Variants in CDK11B observed in about 807,000 individuals in gnomAD.
The protein encoded by CDK11B is cyclin dependent kinase 11B.
In CDK11B, 37 loss-of-function variants were observed where a neutral mutation model predicts 84.0. That is an observed-to-expected ratio of 0.44 (90% CI 0.34 to 0.58). The LOEUF (loss-of-function observed/expected upper bound fraction) is 0.58. Among genes scored for constraint, CDK11B ranks in the 20% least tolerant of loss-of-function variants. The pLI is 0.02. For missense variants in CDK11B, 427 were observed against 834.0 expected (o/e 0.51, Z 6.01); for synonymous variants, 269 against 309.8 (o/e 0.87, Z 1.38).
Position 1,636,414 on chromosome 1 carries a change from G to T in CDK11B, c.1985C>A (p.Thr662Asn). ...GTTGTTGTAGGGGTGCTCGCTGAAG[G>T]TCATCTTCTTGACTGCTGGGAGCTC... ...YSELPAVKKM[T>N]FSEHPYNNLR... The change falls in exon 18 of 20, where the codon ACC (threonine) becomes AAC (asparagine). Residue 662 changes from threonine to asparagine, a missense_variant. Thr to Asn is a moderately conservative substitution (Grantham distance 65). Coordinates refer to ENST00000341832, the MANE Select transcript of CDK11B (RefSeq NM_033486.3). 6.2e-7 allele frequency: 1 copy of T among 1,612,728 alleles called. No individual in the cohort carries two copies. The highest frequency in any genetic ancestry group is 8.5e-7 in the Non-Finnish European group (1 of 1,179,288).
chr1:1,651,346 G>A (rs1487909929), intron 4 of CDK11B, among the ~76,000 whole-genome samples: 7 of 152,220 alleles, frequency 4.6e-5, no homozygotes, highest in Non-Finnish European at 1.0e-4. Context: ...ACACACGCAC[G>A]CTTTCAGCTA....
At chr1:1,656,061 C>T (rs1307182051) in intron 2 of CDK11B, among the ~76,000 whole-genome samples, 2 of 152,160 alleles carry the variant, frequency 1.3e-5, no homozygotes, top group African/African-American at 2.4e-5. Context: ...AATCTTAAGG[C>T]GTATCTTGCA....
intron 11 of CDK11B, among the ~76,000 whole-genome samples, chr1:1,639,753 C>A (rs1279546806): frequency 1.3e-5 from 2 of 152,058 alleles, no homozygotes; most frequent in African/African-American, 4.8e-5. Flanking sequence ...TCCCAGGCCC[C>A]AGAGGCCACT....
chr1:1,652,257 G>A (rs1446170673), intron 4 of CDK11B, among the ~76,000 whole-genome samples, 182 bp downstream of exon 4: 1 of 151,918 alleles, frequency 6.6e-6, no homozygotes, highest in Non-Finnish European at 1.5e-5. Context: ...TGTGACGCAC[G>A]CATGCTTTTA....
chr1:1,657,970 C>G (rs1642995747), intron 1 of CDK11B, among the ~76,000 whole-genome samples: 1 of 146,582 alleles, frequency 6.8e-6, no homozygotes, highest in South Asian at 2.1e-4. Flanking sequence ...GTCAGGAGGT[C>G]AAGACCAGCC....
intron 4 of CDK11B, among the ~76,000 whole-genome samples, chr1:1,651,036 C>T (rs1160452554): frequency 1.2e-4 from 19 of 152,166 alleles, no homozygotes; most frequent in Admixed American, 3.9e-4. Context: ...GTGGGCTTCT[C>T]CACTGTGCAA....
chr1:1,637,532 T>G lies in CDK11B; in HGVS notation c.1465-19A>C. 4 of 1,611,758 alleles carry G rather than the reference T, an allele frequency of 2.5e-6. No homozygotes were observed. The highest frequency in any genetic ancestry group is 3.4e-6 in the Non-Finnish European group (4 of 1,178,902). On this transcript the variant is annotated intron_variant, in intron 13 of 19. Transcript: ENST00000341832. ...CAATCTCCTGCAGGGCACGGCTCTGTGGGTGCTGGGCACCTCCAGGCCCCC... is the reference window on the plus strand; with the variant it reads ...CAATCTCCTGCAGGGCACGGCTCTGGGGGTGCTGGGCACCTCCAGGCCCCC...
intron 5 of CDK11B, chr1:1,646,141 G>C (rs1439943293): frequency 2.2e-6 from 1 of 463,688 alleles, no homozygotes; most frequent in Non-Finnish European, 4.4e-6. Context: ...GTCTTTTCCT[G>C]TTCTCTAGCA....
chr1:1,640,966 C>T lies in CDK11B; in HGVS notation c.1075+82G>A, dbSNP rs1472664803. 1.3e-4 allele frequency: 205 copies of T among 1,598,006 alleles called. 1 individual carries two copies. Among genetic ancestry groups the T allele is most frequent in the Non-Finnish European group, 1.6e-4 (184 of 1,173,000 alleles). ...CCAGACCCTGGCGTGCCCCACGCTG[C>T]GCAGGACCGGCTGTCTTAGGAGAGG... On this transcript the variant is annotated intron_variant, in intron 10 of 19. Coordinates refer to ENST00000341832, the MANE Select transcript of CDK11B (RefSeq NM_033486.3).
At chr1:1,653,129 A>G (rs1417609610) in intron 3 of CDK11B, among the ~76,000 whole-genome samples, 1 of 152,014 alleles carries the variant, frequency 6.6e-6, no homozygotes, top group Non-Finnish European at 1.5e-5. Flanking sequence ...GGTTCAAGCA[A>G]TTCTCCTGCC....
At chr1:1,649,347 C>A (rs1340956155) in intron 5 of CDK11B, among the ~76,000 whole-genome samples, 152 bp downstream of exon 5, 1 of 152,088 alleles carries the variant, frequency 6.6e-6, no homozygotes, top group East Asian at 1.9e-4. Context: ...ATGATCCGCC[C>A]ACCTCGGCCT....
chr1:1,647,377 C>T (rs1217150517), intron 5 of CDK11B, among the ~76,000 whole-genome samples: 1 of 152,300 alleles, frequency 6.6e-6, no homozygotes, highest in Non-Finnish European at 1.5e-5. Context: ...CGAGGCCTGT[C>T]TGGTTGTCCG....
Position 1,639,875 on chromosome 1 carries a change from C to T in CDK11B, c.1251+402G>A, listed in dbSNP as rs558510421. Among the ~76,000 whole-genome samples, 24 of 152,032 alleles carry T rather than the reference C, an allele frequency of 1.6e-4. No homozygotes were observed. In the East Asian group the frequency reaches 4.1e-3, roughly 26 times the overall value. ...ACACATCTACACTGACTCCCGTAGC[C>T]GCTCCCCCATCCAAGCCCTGCACAG... On this transcript the variant is annotated intron_variant, in intron 11 of 19. Transcript: ENST00000341832.
rs753086931 is a variant in CDK11B, at chr1:1,641,022, G to A, written c.1075+26C>T. ...TGCACTCGGAGACAGACAAGGAGGG[G>A]GCTCTGTCTCCAGGGAGGTTCTTAC... On this transcript the variant is annotated intron_variant, in intron 10 of 19. Coordinates refer to ENST00000341832, the MANE Select transcript of CDK11B (RefSeq NM_033486.3). The A allele has an allele frequency of 3.2e-6, 5 of 1,573,784 alleles. No individual in the cohort carries two copies. In the African/African-American group the frequency reaches 4.2e-5, roughly 13 times the overall value.
intron 4 of CDK11B, among the ~76,000 whole-genome samples, chr1:1,650,268 C>CAAAAAAA (rs1212256890): frequency 8.7e-5 from 4 of 45,782 alleles, no homozygotes; most frequent in East Asian, 1.4e-3. Context: ...GACTCCGTCC[C>CAAAAAAA]AAAAAAAAAA....
chr1:1,649,106 TC>T lies in CDK11B; in HGVS notation c.494+392del, dbSNP rs376212178. On this transcript the variant is annotated intron_variant, in intron 5 of 19. Coordinates refer to ENST00000341832, the MANE Select transcript of CDK11B (RefSeq NM_033486.3). Reference sequence around the variant, plus strand: ...CACTTCTGCACCAAATGTGACTTCTTCTTTTTTTTTTGAGACGGAGTCTCGC... The same window carrying T: ...CACTTCTGCACCAAATGTGACTTCTTTTTTTTTTTTGAGACGGAGTCTCGC... Among the ~76,000 whole-genome samples, 289 of 151,714 alleles carry T rather than the reference TC, an allele frequency of 1.9e-3. 4 individuals are homozygous for T. The highest frequency in any genetic ancestry group is 6.5e-3 in the African/African-American group (270 of 41,350).
intron 12 of CDK11B, among the ~76,000 whole-genome samples, 179 bp from the exon 13 acceptor site, chr1:1,638,062 C>T (rs1164751001): frequency 6.6e-6 from 1 of 152,212 alleles, no homozygotes; most frequent in African/African-American, 2.4e-5. Context: ...GTCTGGGCAA[C>T]ACCCACGGCT....
chr1:1,652,432 T>C lies in CDK11B; in HGVS notation c.355+7A>G. The C allele has an allele frequency of 4.0e-6, 6 of 1,492,464 alleles. No individual in the cohort carries two copies. Among genetic ancestry groups the C allele is most frequent in the Non-Finnish European group, 5.3e-6 (6 of 1,129,920 alleles). The allele number at this position is 1,492,464 out of a possible 1,614,324, so 92.5% of individuals were successfully genotyped here. ...CATGATGTCAAAGAAAGTAAATGCT[T>C]CTGTACCCCCTTCTGCTGAATGGCT... is the stretch of plus-strand genomic sequence containing the variant. On this transcript the variant is annotated splice_region_variant and intron_variant, in intron 4 of 19. Coordinates refer to ENST00000341832, the MANE Select transcript of CDK11B (RefSeq NM_033486.3).
At chr1:1,639,861 C>T (rs1171776773) in intron 11 of CDK11B, among the ~76,000 whole-genome samples, 2 of 152,030 alleles carry the variant, frequency 1.3e-5, no homozygotes, top group Admixed American at 1.3e-4. Context: ...CACATCTACA[C>T]TGACTCCCGT....
Sources: allele counts gnomAD v4.1 joint callset (sites outside exome capture counted in the v4.1 genomes callset), GRCh38; gene constraint gnomAD v4.1.1; transcripts MANE v1.5; gene names NCBI Gene and HGNC (gene_info 2026-07-23, HGNC 2026-07-21).